The following GALNT13 variants were observed in gnomAD, a reference collection of about 807,000 sequenced individuals.
GALNT13 encodes the protein polypeptide N-acetylgalactosaminyltransferase 13.
A neutral mutation model predicts 64.2 loss-of-function variants in GALNT13; 28 were observed. The ratio of observed to expected loss-of-function variants is 0.44; its 90% CI spans 0.32 to 0.60. GALNT13 has a LOEUF of 0.60. GALNT13 is among the 20% of genes least tolerant of loss of function. The pLI, the probability that GALNT13 is intolerant of heterozygous loss-of-function variation, is 0.05. For missense variants in GALNT13, 577 were observed against 669.8 expected (o/e 0.86, Z 1.53); for synonymous variants, 214 against 224.6 (o/e 0.95, Z 0.42).
chr2:153,368,332 T>C, the GALNT13 span, among the ~76,000 whole-genome samples: 1 of 152,078 alleles, frequency 6.6e-6, no homozygotes, highest in African/African-American at 2.4e-5. Context: ...GTTTCTGACA[T>C]GTGAGCAAGA....
the GALNT13 span, among the ~76,000 whole-genome samples, chr2:153,320,243 C>A: frequency 6.6e-6 from 1 of 152,116 alleles, no homozygotes; most frequent in Non-Finnish European, 1.5e-5. Flanking sequence ...AATTAATTTA[C>A]CTATTAATAA....
At chr2:153,393,981 C>A in the GALNT13 span, among the ~76,000 whole-genome samples, 1 of 93,856 alleles carries the variant, frequency 1.1e-5, no homozygotes, top group Non-Finnish European at 2.3e-5. Flanking sequence ...CACACACACA[C>A]ACACACACAC....
intron 8 of GALNT13, among the ~76,000 whole-genome samples, chr2:154,262,495 G>A (rs1690753960): frequency 6.6e-6 from 1 of 152,162 alleles, no homozygotes. Context: ...CCAGAGAACA[G>A]CAGTTAGGTC....
At chr2:154,151,502 G>A (rs1295480580) in intron 4 of GALNT13, among the ~76,000 whole-genome samples, 6 of 152,058 alleles carry the variant, frequency 3.9e-5, no homozygotes, top group Admixed American at 3.3e-4. Flanking sequence ...TTTCTGTCTC[G>A]TTGATCTGTC....
chr2:153,086,881 G>C, the GALNT13 span, among the ~76,000 whole-genome samples: 8 of 151,948 alleles, frequency 5.3e-5, no homozygotes, highest in African/African-American at 1.9e-4. Flanking sequence ...GGAGTTTTTT[G>C]GATGAGTCTT....
At chr2:153,916,438 C>G (rs572511883) in intron 2 of GALNT13, among the ~76,000 whole-genome samples, 1 of 152,052 alleles carries the variant, frequency 6.6e-6, no homozygotes, top group African/African-American at 2.4e-5. Flanking sequence ...ATTACAGGTA[C>G]AAGTCACTGT....
At chr2:153,095,045 A>C in the GALNT13 span, among the ~76,000 whole-genome samples, 1 of 152,254 alleles carries the variant, frequency 6.6e-6, no homozygotes, top group Non-Finnish European at 1.5e-5. Context: ...AATGGGATCT[A>C]ATTAAACTAA....
chr2:153,880,087 A>G (rs1686677717), intron 1 of GALNT13, among the ~76,000 whole-genome samples: 1 of 152,182 alleles, frequency 6.6e-6, no homozygotes, highest in African/African-American at 2.4e-5. Flanking sequence ...TCTTTATACT[A>G]AATAAGAAAC....
the GALNT13 span, among the ~76,000 whole-genome samples, chr2:153,789,622 G>A: frequency 1.3e-5 from 2 of 151,854 alleles, no homozygotes; most frequent in African/African-American, 2.4e-5. Flanking sequence ...AGGCACAAAA[G>A]TGTATTAAAA....
chr2:153,518,135 C>T, the GALNT13 span, among the ~76,000 whole-genome samples: 1 of 152,160 alleles, frequency 6.6e-6, no homozygotes, highest in African/African-American at 2.4e-5. Context: ...AATACACACA[C>T]CCTGGCCCTT....
the GALNT13 span, among the ~76,000 whole-genome samples, chr2:153,772,676 G>C: frequency 6.6e-6 from 1 of 152,172 alleles, no homozygotes; most frequent in Admixed American, 6.5e-5. Flanking sequence ...GGTTTTATTA[G>C]CTTTTTTTGG....
the GALNT13 span, among the ~76,000 whole-genome samples, chr2:153,664,261 C>A: frequency 6.6e-6 from 1 of 152,184 alleles, no homozygotes; most frequent in South Asian, 2.1e-4. Flanking sequence ...ATACCCACCC[C>A]TGGGAATGCA....
chr2:154,351,544 A>G (rs1284635132), intron 9 of GALNT13, among the ~76,000 whole-genome samples: 2 of 151,830 alleles, frequency 1.3e-5, no homozygotes, highest in East Asian at 2.0e-4. Flanking sequence ...TTAGCCGGGC[A>G]TGGTGGCGGG....
intron 9 of GALNT13, among the ~76,000 whole-genome samples, chr2:154,351,167 CTT>C (rs770160385): frequency 1.3e-5 from 2 of 152,058 alleles, no homozygotes; most frequent in African/African-American, 4.8e-5. Context: ...CAAAGAATGA[CTT>C]TGCGCTTTGG....
At chr2:154,442,921 T>C (rs1701375205) in intron 12 of GALNT13, among the ~76,000 whole-genome samples, 1 of 152,162 alleles carries the variant, frequency 6.6e-6, no homozygotes, top group Non-Finnish European at 1.5e-5. Flanking sequence ...GTGAATTCTA[T>C]ATACATCTGT....
chr2:153,927,767 C>A (rs1558858340), intron 2 of GALNT13, among the ~76,000 whole-genome samples: 1 of 151,926 alleles, frequency 6.6e-6, no homozygotes, highest in Non-Finnish European at 1.5e-5. Flanking sequence ...AGGAAGTTTG[C>A]AGGAAAAAAA....
At chr2:153,117,409 G>T in the GALNT13 span, among the ~76,000 whole-genome samples, 1 of 151,978 alleles carries the variant, frequency 6.6e-6, no homozygotes, top group African/African-American at 2.4e-5. Context: ...ATATAGAGTG[G>T]GTATGTGGAT....
At chr2:153,681,356 A>G in the GALNT13 span, among the ~76,000 whole-genome samples, 1 of 151,858 alleles carries the variant, frequency 6.6e-6, no homozygotes, top group South Asian at 2.1e-4. Flanking sequence ...AAACTGGACC[A>G]TTTCCAAAAC....
At chr2:153,844,922 G>C in the GALNT13 span, among the ~76,000 whole-genome samples, 3 of 152,158 alleles carry the variant, frequency 2.0e-5, no homozygotes, top group Non-Finnish European at 4.4e-5. Context: ...TGTGACATTT[G>C]CTCCAGTTCC....
Sources: gnomAD v4.1 joint callset for allele counts (sites outside exome capture counted in the v4.1 genomes callset) on GRCh38, gnomAD v4.1.1 for gene constraint, MANE v1.5 for transcripts, NCBI Gene and HGNC (gene_info 2026-07-23, HGNC 2026-07-21) for gene names.